The following FRAS1 variants were observed in gnomAD, a reference collection of about 807,000 sequenced individuals.
The protein encoded by FRAS1 is Fraser extracellular matrix complex subunit 1.
In FRAS1, 290 loss-of-function variants were observed where a neutral mutation model predicts 435.2. The ratio of observed to expected loss-of-function variants is 0.67; its 90% confidence interval spans 0.61 to 0.73. The LOEUF is 0.73. Ranked by LOEUF, FRAS1 falls within the 30% of genes least tolerant of loss-of-function variation. The pLI is 0.00. For synonymous variants in FRAS1, 1,800 were observed against 1,851.0 expected (o/e 0.97, Z 0.71); for missense variants, 4,860 against 5,001.5 (o/e 0.97, Z 0.85).
chr4:78,481,667 A>G (rs534900781), intron 56 of FRAS1, 137 bp from the exon 57 acceptor site: 20 of 879,592 alleles, frequency 2.3e-5, no homozygotes, highest in Non-Finnish European at 3.7e-5. Context: ...CCATAGGAGC[A>G]TCACTGAAGC....
In FRAS1 at chr4:78,531,734, A is replaced by G. The variant is rs550628255; in HGVS notation, c.10926-2715A>G. On this transcript the variant is annotated intron_variant, in intron 70 of 73. Transcript: ENST00000512123. Reference sequence around the variant, plus strand: ...TCTATCATCATACCTACATCTGTGCATTAGACCTACCAGCATGTATCTGTG... The same window carrying G: ...TCTATCATCATACCTACATCTGTGCGTTAGACCTACCAGCATGTATCTGTG... Among the ~76,000 whole-genome samples the G allele has an allele frequency of 2.0e-5, 3 of 152,310 alleles. No homozygotes were observed. The South Asian group carries it at 6.2e-4, about 32-fold the overall frequency.
At chr4:78,117,867 T>A (rs538204889) in intron 2 of FRAS1, among the ~76,000 whole-genome samples, 110 of 152,398 alleles carry the variant, frequency 7.2e-4, no homozygotes, top group African/African-American at 2.5e-3. Flanking sequence ...GTTCCATTGC[T>A]GGTGAGGAGC....
chr4:78,440,259 C>G (rs1734606922), intron 40 of FRAS1, among the ~76,000 whole-genome samples: 1 of 151,916 alleles, frequency 6.6e-6, no homozygotes, highest in East Asian at 1.9e-4. Context: ...GTCTCGATCT[C>G]CTGACCTCAT....
At chr4:78,218,092 T>C (rs751998498) in intron 2 of FRAS1, among the ~76,000 whole-genome samples, 1 of 9,486 alleles carries the variant, frequency 1.1e-4, no homozygotes, top group Non-Finnish European at 5.9e-4. Context: ...TCTCTCTCAC[T>C]CTCTCTCACA....
chr4:78,522,737 G>A lies in FRAS1; in HGVS notation c.10737G>A (p.Leu3579=). ...PDHLGGIEFD[L]QLLWSAQTFD... Reference sequence around the variant, plus strand: ...ACCTAGGAGGAATTGAATTTGACTTGCAGCTATTATGGAGCGCTCAGACTT... The same window carrying A: ...ACCTAGGAGGAATTGAATTTGACTTACAGCTATTATGGAGCGCTCAGACTT... The change falls in exon 69 of 74, where the codon TTG becomes TTA. Residue 3579 remains leucine (L), a synonymous_variant. Coordinates refer to ENST00000512123, the MANE Select transcript of FRAS1 (RefSeq NM_025074.7). The A allele has an allele frequency of 6.2e-7, 1 of 1,612,358 alleles. No individual in the cohort carries two copies. Among genetic ancestry groups the A allele is most frequent in the Non-Finnish European group, 8.5e-7 (1 of 1,179,176 alleles).
chr4:78,415,405 A>G (rs1288110177), intron 32 of FRAS1, among the ~76,000 whole-genome samples: 1 of 152,222 alleles, frequency 6.6e-6, no homozygotes, highest in Admixed American at 6.5e-5. Context: ...AAAAAATAAA[A>G]CACAGATTGC....
chr4:78,118,392 G>T (rs1011672073), intron 2 of FRAS1, among the ~76,000 whole-genome samples: 8 of 152,202 alleles, frequency 5.3e-5, no homozygotes, highest in Non-Finnish European at 1.2e-4. Context: ...CAGAGGTGCT[G>T]CCTTTTGTTT....
intron 14 of FRAS1, among the ~76,000 whole-genome samples, chr4:78,294,160 A>G (rs523263): frequency 0.022 from 3,337 of 152,208 alleles, 138 homozygotes; most frequent in African/African-American, 0.076. Context: ...CCCTGCTTCT[A>G]TGCTGCTCAC....
At position 78,479,692 on chromosome 4, in the gene FRAS1, C is replaced by A; in HGVS notation, c.8417C>A (p.Thr2806Lys). ...GCCTCGACTGTGTCCCTGGGCAACA[C>A]GGCTTTCACTGTCAGTGAGGACGCA... ...NDASTVSLGN[T>K]AFTVSEDAGT... The change falls in exon 56 of 74, where the codon ACG becomes AAG. Residue 2806 changes from threonine (T) to lysine (K), a missense_variant. Thr to Lys is a moderately conservative substitution (Grantham distance 78). Coordinates refer to ENST00000512123, the MANE Select transcript of FRAS1 (RefSeq NM_025074.7). 6.3e-7 allele frequency: 1 copy of A among 1,596,718 alleles called. No individual in the cohort carries two copies. Among genetic ancestry groups the A allele is most frequent in the Non-Finnish European group, 8.6e-7 (1 of 1,168,920 alleles).
intron 70 of FRAS1, among the ~76,000 whole-genome samples, chr4:78,528,727 C>G (rs191789598): frequency 6.6e-6 from 1 of 152,084 alleles, no homozygotes; most frequent in Non-Finnish European, 1.5e-5. Context: ...CCTACATGTA[C>G]GAGCTTTATA....
chr4:78,432,580 C>G lies in FRAS1; in HGVS notation c.5193C>G (p.Ile1731Met). 6.3e-7 allele frequency: 1 copy of G among 1,599,616 alleles called. No homozygotes were observed. Among genetic ancestry groups the G allele is most frequent in the Non-Finnish European group, 8.5e-7 (1 of 1,171,474 alleles). ...TTGCCAGTAAAAGCACAGCCATAAT[C>G]ACTAGGTCACACCTTGCTTACGTGG... is the stretch of plus-strand genomic sequence containing the variant. ...ITVASKSTAIITRSHLAYVDD... is the reference protein window; with the variant it reads ...ITVASKSTAIMTRSHLAYVDD... The change falls in exon 38 of 74, where the codon ATC becomes ATG. Residue 1731 changes from isoleucine (I) to methionine (M), a missense_variant. By Grantham distance (10) the Ile-to-Met change is conservative. Transcript: ENST00000512123.
chr4:78,472,160 T>G lies in FRAS1; in HGVS notation c.7372-20T>G. 1.9e-6 allele frequency: 3 copies of G among 1,613,238 alleles called. No homozygotes were observed. The highest frequency in any genetic ancestry group is 2.5e-6 in the Non-Finnish European group (3 of 1,179,326). Reference sequence around the variant, plus strand: ...TTTATTCCCACCTCAGGAATTAAATTAAATGGGTTTCTATTCTAGGCAACC... The same window carrying G: ...TTTATTCCCACCTCAGGAATTAAATGAAATGGGTTTCTATTCTAGGCAACC... On this transcript the variant is annotated intron_variant, in intron 51 of 73. Transcript: ENST00000512123.
intron 58 of FRAS1, among the ~76,000 whole-genome samples, chr4:78,488,579 C>T (rs1024990163): frequency 2.0e-5 from 3 of 152,164 alleles, no homozygotes; most frequent in African/African-American, 7.2e-5. Context: ...CATTTATTGA[C>T]TTGCATTACC....
intron 50 of FRAS1, among the ~76,000 whole-genome samples, chr4:78,467,146 T>C (rs4975121): frequency 0.33 from 49,603 of 152,018 alleles, 8,810 homozygotes; most frequent in Admixed American, 0.41. Context: ...ACATTAGTCA[T>C]CTGTCATGCT....
chr4:78,189,065 A>C (rs1443636365), intron 2 of FRAS1, among the ~76,000 whole-genome samples: 1 of 152,210 alleles, frequency 6.6e-6, no homozygotes, highest in Non-Finnish European at 1.5e-5. Context: ...AGGTTTGCTC[A>C]TGTTAAAGGA....
intron 6 of FRAS1, 50 bp downstream of exon 6, chr4:78,255,425 T>C: frequency 6.6e-7 from 1 of 1,514,966 alleles, no homozygotes; most frequent in South Asian, 1.3e-5. Context: ...TTGAAGAACT[T>C]GGAGTCTCTT....
rs912012844 is a variant in FRAS1, at chr4:78,526,553, A to G, written c.10821A>G (p.Ser3607=). ...TGCATGTTTCCAGGAAGGACTACTC[A>G]GGAGAGTACACCATCTACCTGATCC... is the stretch of plus-strand genomic sequence containing the variant. ...ATSSYNRKDY[S]GEYTIYLIPC... The change falls in exon 70 of 74, where the codon TCA becomes TCG. Residue 3607 remains serine (S), a synonymous_variant. Transcript: ENST00000512123. The G allele has an allele frequency of 1.9e-6, 3 of 1,593,796 alleles. No homozygotes were observed. Among genetic ancestry groups the G allele is most frequent in the Non-Finnish European group, 2.6e-6 (3 of 1,169,736 alleles).
chr4:78,532,273 C>T (rs765176811), intron 70 of FRAS1, among the ~76,000 whole-genome samples: 5 of 152,300 alleles, frequency 3.3e-5, no homozygotes, highest in Non-Finnish European at 7.4e-5. Context: ...TTTGCCATTT[C>T]CTCTTCCTGG....
chr4:78,232,961 A>G (rs1324515396), intron 2 of FRAS1, among the ~76,000 whole-genome samples: 2 of 152,216 alleles, frequency 1.3e-5, no homozygotes, highest in African/African-American at 2.4e-5. Flanking sequence ...ATACATTTAA[A>G]CTTTGAATTA....
Sources: allele counts gnomAD v4.1 joint callset (sites outside exome capture counted in the v4.1 genomes callset), GRCh38; gene constraint gnomAD v4.1.1; transcripts MANE v1.5; gene names NCBI Gene and HGNC (gene_info 2026-07-23, HGNC 2026-07-21).